STRBP: variants seen among roughly 807,000 people sequenced by gnomAD.
The protein encoded by STRBP is spermatid perinuclear RNA-binding protein.
In STRBP, 13 loss-of-function variants were observed where a neutral mutation model predicts 80.1. The observed-to-expected ratio is 0.16, with a 90% confidence interval of 0.11 to 0.26. STRBP has a LOEUF of 0.26. STRBP is among the 10% of genes least tolerant of loss of function. The probability of loss-of-function intolerance (pLI) is 1.00; values close to 1 mark genes in which losing one functional copy is unlikely to be tolerated. For synonymous variants in STRBP, 284 were observed against 291.2 expected (o/e 0.98, Z 0.25); for missense variants, 485 against 815.2 (o/e 0.59, Z 4.93).
intron 14 of STRBP, among the ~76,000 whole-genome samples, chr9:123,138,193 C>G (rs2036440891): frequency 6.6e-6 from 1 of 152,200 alleles, no homozygotes; most frequent in Non-Finnish European, 1.5e-5. Flanking sequence ...ACTAGTGCAG[C>G]CCACACTGCT....
chr9:123,257,263 T>C (rs1024086635), intron 1 of STRBP, among the ~76,000 whole-genome samples: 2 of 152,186 alleles, frequency 1.3e-5, no homozygotes, highest in African/African-American at 4.8e-5. Flanking sequence ...ATTTTTCTCA[T>C]AATCCAGTTC....
chr9:123,145,291 T>C (rs1350921418), intron 13 of STRBP, among the ~76,000 whole-genome samples: 4 of 152,280 alleles, frequency 2.6e-5, no homozygotes, highest in South Asian at 2.1e-4. Context: ...ATATTGGGAA[T>C]TGAAGACAAA....
intron 5 of STRBP, 53 bp downstream of exon 5, chr9:123,173,624 C>A: frequency 6.5e-7 from 1 of 1,542,934 alleles, no homozygotes; most frequent in African/African-American, 1.4e-5. Flanking sequence ...AAAGTCACTA[C>A]CTATTTCACC....
intron 1 of STRBP, among the ~76,000 whole-genome samples, chr9:123,262,187 T>C (rs1564343075): frequency 6.6e-6 from 1 of 152,186 alleles, no homozygotes; most frequent in Non-Finnish European, 1.5e-5. Context: ...AAATCTTAGG[T>C]CTGGTACAAA....
chr9:123,264,513 T>C (rs902484883), intron 1 of STRBP, among the ~76,000 whole-genome samples: 7 of 152,252 alleles, frequency 4.6e-5, no homozygotes, highest in African/African-American at 1.7e-4. Context: ...AAAAAGAAAC[T>C]AAGTAACATC....
chr9:123,115,125 T>A lies in STRBP; in HGVS notation c.*84+804A>T. On this transcript the variant is annotated intron_variant and NMD_transcript_variant, in intron 3 of 3. Coordinates refer to the STRBP transcript ENST00000471564. This position sits in a 1 kb window ranked among gnomAD's most constrained non-coding sequence, Gnocchi z 5.0. ...TTAAGAAGTGACTGCAGACTGTGTG[T>A]CCCACCTGCCACTTGACTCTGCTCA... 2 of 444,286 alleles carry A rather than the reference T, an allele frequency of 4.5e-6. No homozygotes were observed. The highest frequency in any genetic ancestry group is 3.3e-5 in the South Asian group (2 of 59,708). 27.5% of individuals were successfully genotyped at this position (444,286 alleles called of 1,614,324 possible).
rs1450275106 is a variant in STRBP at position 123,136,916 on chromosome 9, ACT to A, written c.1498-403_1498-402del. 6.6e-6 allele frequency among the ~76,000 whole-genome samples: 1 copy of A among 152,166 alleles called. No homozygotes were observed. Among genetic ancestry groups the A allele is most frequent in the East Asian group, 1.9e-4 (1 of 5,202 alleles). On this transcript the variant is annotated intron_variant, in intron 14 of 18. Coordinates refer to ENST00000348403, the MANE Select transcript of STRBP (RefSeq NM_018387.5). The surrounding 1 kb of genome is among the most constrained non-coding windows in gnomAD (Gnocchi z 4.2). ...TCTTCTTTAGGGTTAGGAAGAAATAACTCTCAATTTGGGATGTTAGAGGGTAA... is the reference window on the plus strand; with the variant it reads ...TCTTCTTTAGGGTTAGGAAGAAATAACTCAATTTGGGATGTTAGAGGGTAA...
chr9:123,216,723 C>T (rs984002446), intron 2 of STRBP, among the ~76,000 whole-genome samples: 9 of 152,188 alleles, frequency 5.9e-5, no homozygotes, highest in African/African-American at 1.7e-4. Context: ...ATTACATGTC[C>T]CATCTTGTAA....
At position 123,184,294 on chromosome 9, in the gene STRBP, C is replaced by T. The variant is rs2038609777; in HGVS notation, c.-160G>A. 1.8e-6 allele frequency: 1 copy of T among 553,132 alleles called. No individual in the cohort carries two copies. Among genetic ancestry groups the T allele is most frequent in the East Asian group, 3.0e-5 (1 of 33,160 alleles). 34.3% of individuals were successfully genotyped at this position (553,132 alleles called of 1,614,324 possible). A position where few individuals can be genotyped will look rare whatever the true frequency, so the allele number is the denominator to read the frequency against. ...ATGTCTGAAGGCTTGTTCTCTGGAA[C>T]ACACCTGCAAGAGAAGAGGAAAACA... On this transcript the variant is annotated 5_prime_UTR_variant, in exon 3 of 19. Transcript: ENST00000348403.
At chr9:123,195,794 T>A (rs1459474974) in intron 2 of STRBP, among the ~76,000 whole-genome samples, 1 of 152,156 alleles carries the variant, frequency 6.6e-6, no homozygotes, top group African/African-American at 2.4e-5. Flanking sequence ...ACAGGTTCAA[T>A]GCAATCTCTG....
chr9:123,223,170 T>C (rs1384530662), intron 2 of STRBP, among the ~76,000 whole-genome samples: 2 of 152,004 alleles, frequency 1.3e-5, no homozygotes, highest in Admixed American at 6.6e-5. Flanking sequence ...AGGGCAGAAC[T>C]AAAGACAATA....
At chr9:123,244,745 ACTAT>A (rs2040765130) in intron 1 of STRBP, among the ~76,000 whole-genome samples, 1 of 152,232 alleles carries the variant, frequency 6.6e-6, no homozygotes, top group South Asian at 2.1e-4. Context: ...AAAGTACAGC[ACTAT>A]CTGAGAAAAC....
chr9:123,213,311 A>T (rs1298871537), intron 2 of STRBP, among the ~76,000 whole-genome samples: 1 of 152,196 alleles, frequency 6.6e-6, no homozygotes, highest in East Asian at 1.9e-4. Context: ...TCCTGACAAA[A>T]TCTCAGTTAT....
intron 1 of STRBP, among the ~76,000 whole-genome samples, chr9:123,267,587 C>G (rs1041096325): frequency 6.6e-6 from 1 of 151,960 alleles, no homozygotes; most frequent in Non-Finnish European, 1.5e-5. Flanking sequence ...TGGGCCTACC[C>G]TTCATTTCCC....
At position 123,147,773 on chromosome 9, in the gene STRBP, CA is replaced by C. The variant is rs762219109; in HGVS notation, c.1138+4del. On this transcript the variant is annotated splice_donor_region_variant and intron_variant, in intron 12 of 18. Transcript: ENST00000348403. ...TGCATCTATAAGAATAAAGGTTTTA[CA>C]CACTTTTCCTTAAGTTTCGTTTCAT... 1 of 1,562,542 alleles carries C rather than the reference CA, an allele frequency of 6.4e-7. No individual in the cohort carries two copies. The highest frequency in any genetic ancestry group is 1.1e-5 in the South Asian group (1 of 89,174).
At chr9:123,258,959 C>T (rs1488224338) in intron 1 of STRBP, among the ~76,000 whole-genome samples, 1 of 150,094 alleles carries the variant, frequency 6.7e-6, no homozygotes, top group Non-Finnish European at 1.5e-5. Context: ...GCAAGATGGG[C>T]AATCACTAGA....
At chr9:123,119,745 T>C (rs1466422346), downstream of STRBP, among the ~76,000 whole-genome samples, 1 of 152,178 alleles carries the variant, frequency 6.6e-6, no homozygotes, top group Non-Finnish European at 1.5e-5. Context: ...ACTGAGTACG[T>C]ACTCTGCACC....
intron 3 of STRBP, chr9:123,114,976 C>T (rs1465601423): frequency 5.7e-6 from 2 of 353,918 alleles, no homozygotes; most frequent in African/African-American, 4.3e-5. Context: ...ATGGCAACAG[C>T]CTCTTGCTCA....
At chr9:123,111,495 C>G in intron 3 of STRBP, 1 of 368,914 alleles carries the variant, frequency 2.7e-6, no homozygotes. Context: ...CATCTTGGTT[C>G]CCTAAGCAGG....
Sources: gnomAD v4.1 joint callset for allele counts (sites outside exome capture counted in the v4.1 genomes callset) on GRCh38, gnomAD v4.1.1 for gene constraint, Gnocchi (gnomAD v3.1) non-coding constraint, MANE v1.5 for transcripts, NCBI Gene and HGNC (gene_info 2026-07-23, HGNC 2026-07-21) for gene names.